Variants in IQCJ observed in about 807,000 individuals in gnomAD.
The protein encoded by IQCJ is IQ domain-containing protein J.
IQCJ carries 9 observed loss-of-function variants against 11.0 expected under a neutral mutation model. That is an observed-to-expected ratio of 0.82 (90% CI 0.49 to 1.43). The LOEUF (loss-of-function observed/expected upper bound fraction) is 1.43, where lower values mean the gene tolerates loss of function less well. Ranked by LOEUF, IQCJ falls within the 40% of genes most tolerant of loss-of-function variation. IQCJ has a pLI of 0.00. For missense variants in IQCJ, 146 were observed against 133.2 expected, an observed-to-expected ratio of 1.10 and a Z score of -0.47; for synonymous variants, 55 against 51.3, an observed-to-expected ratio of 1.07 and a Z score of -0.31.
chr3:159,246,226 A>G (rs999639414), intron 2 of IQCJ, among the ~76,000 whole-genome samples: 7 of 152,204 alleles, frequency 4.6e-5, no homozygotes, highest in African/African-American at 1.7e-4. Flanking sequence ...CAGGCATAAA[A>G]TTTGTAAAAA....
intron 1 of IQCJ, among the ~76,000 whole-genome samples, chr3:159,125,903 G>A (rs934362265): frequency 6.6e-6 from 1 of 152,148 alleles, no homozygotes; most frequent in Non-Finnish European, 1.5e-5. Context: ...CAACCAGGTT[G>A]GAGAAGGTTG....
At chr3:159,171,084 A>C (rs73029418) in intron 1 of IQCJ, among the ~76,000 whole-genome samples, 1 of 152,062 alleles carries the variant, frequency 6.6e-6, no homozygotes, top group Non-Finnish European at 1.5e-5. Flanking sequence ...CCCATCTTTA[A>C]AGTTATTCTC....
At chr3:159,163,547 T>C (rs1339069468) in intron 1 of IQCJ, among the ~76,000 whole-genome samples, 1 of 152,152 alleles carries the variant, frequency 6.6e-6, no homozygotes, top group African/African-American at 2.4e-5. Flanking sequence ...GTATTTTTAG[T>C]AGAGATGGGG....
chr3:159,150,221 T>C (rs1721131988), intron 1 of IQCJ, among the ~76,000 whole-genome samples: 1 of 151,842 alleles, frequency 6.6e-6, no homozygotes, highest in Non-Finnish European at 1.5e-5. Flanking sequence ...GGGTAGTGGG[T>C]AAGTGAGAGA....
intron 1 of IQCJ, among the ~76,000 whole-genome samples, chr3:159,206,343 G>A (rs1724655519): frequency 6.6e-6 from 1 of 152,154 alleles, no homozygotes; most frequent in Admixed American, 6.5e-5. Flanking sequence ...GTGCTGAATA[G>A]TTTACCAAAC....
chr3:159,077,620 G>A (rs1243214372), intron 1 of IQCJ, among the ~76,000 whole-genome samples: 2 of 152,078 alleles, frequency 1.3e-5, no homozygotes, highest in Non-Finnish European at 2.9e-5. Context: ...GAATGATACT[G>A]TGTTAAAAAT....
At chr3:159,132,541 G>T (rs1406231865) in intron 1 of IQCJ, among the ~76,000 whole-genome samples, 4 of 152,116 alleles carry the variant, frequency 2.6e-5, no homozygotes, top group Non-Finnish European at 2.9e-5. Context: ...AAATAATGTG[G>T]TTGCCAATAT....
rs1725235947 is a variant in IQCJ, at chr3:159,216,384, C to A, written c.10-29459C>A. 3.3e-5 allele frequency among the ~76,000 whole-genome samples: 5 copies of A among 152,274 alleles called. No homozygotes were observed. The South Asian group carries it at 1.0e-3, about 32-fold the overall frequency. On this transcript the variant is annotated intron_variant, in intron 1 of 3. Coordinates refer to ENST00000397832, the MANE Select transcript of IQCJ (RefSeq NM_001042706.3). ...CATAAAGAAAATTCATAATTACTTT[C>A]TTTTCAGATGCTTCTGCATGTAAAT...
intron 1 of IQCJ, among the ~76,000 whole-genome samples, chr3:159,142,260 A>T (rs944586378): frequency 6.6e-6 from 1 of 152,158 alleles, no homozygotes; most frequent in African/African-American, 2.4e-5. Flanking sequence ...GAGCATTCCC[A>T]AGGATTGTTC....
At chr3:159,168,415 G>T (rs559581096) in intron 1 of IQCJ, among the ~76,000 whole-genome samples, 1 of 152,260 alleles carries the variant, frequency 6.6e-6, no homozygotes, top group South Asian at 2.1e-4. Flanking sequence ...GGTTTTAAAA[G>T]ATTTTGTCAG....
chr3:159,158,406 G>A (rs1024306362), intron 1 of IQCJ, among the ~76,000 whole-genome samples: 2 of 152,204 alleles, frequency 1.3e-5, no homozygotes, highest in Admixed American at 1.3e-4. Context: ...GTGAGTTCAG[G>A]TGGTGAAGCT....
At chr3:159,151,289 C>T (rs564533508) in intron 1 of IQCJ, among the ~76,000 whole-genome samples, 4 of 152,354 alleles carry the variant, frequency 2.6e-5, no homozygotes, top group Admixed American at 6.5e-5. Context: ...TGTGTTCCCT[C>T]CCTGAATGCC....
At chr3:159,088,437 A>G (rs1341998929) in intron 1 of IQCJ, among the ~76,000 whole-genome samples, 105 of 152,202 alleles carry the variant, frequency 6.9e-4, no homozygotes, top group African/African-American at 1.3e-3. Context: ...TATTAGGTCC[A>G]CTTGGTGCAG....
intron 1 of IQCJ, among the ~76,000 whole-genome samples, chr3:159,126,034 T>G (rs1719662035): frequency 6.6e-6 from 1 of 152,258 alleles, no homozygotes; most frequent in Non-Finnish European, 1.5e-5. Flanking sequence ...GGCACATTGC[T>G]GGCATCTGGA....
chr3:159,104,039 G>A (rs1718092927), intron 1 of IQCJ, among the ~76,000 whole-genome samples: 1 of 152,218 alleles, frequency 6.6e-6, no homozygotes, highest in South Asian at 2.1e-4. Context: ...CCTCAGCAGG[G>A]CTGGTTGATG....
intron 1 of IQCJ, among the ~76,000 whole-genome samples, chr3:159,205,236 G>A (rs1724584906): frequency 1.3e-5 from 2 of 152,140 alleles, no homozygotes; most frequent in Non-Finnish European, 2.9e-5. Context: ...TCATGATTAT[G>A]GTGTATTACA....
chr3:159,086,227 A>T (rs1426252447), intron 1 of IQCJ, among the ~76,000 whole-genome samples: 1 of 152,126 alleles, frequency 6.6e-6, no homozygotes. Flanking sequence ...AGATAGTTGT[A>T]GATATGTGTC....
chr3:159,162,672 C>G (rs1356384508), intron 1 of IQCJ, among the ~76,000 whole-genome samples: 1 of 152,054 alleles, frequency 6.6e-6, no homozygotes, highest in Non-Finnish European at 1.5e-5. Flanking sequence ...TGATAGACCA[C>G]TAGCAAGACT....
chr3:159,252,771 C>T lies in IQCJ; in HGVS notation c.119C>T (p.Pro40Leu). ...MDAENNIEKY[P>L]LNLQPLESKV... ...GCAGAGAATAATATTGAAAAGTATC[C>T]CCTCAATCTACAGCCCTTGGAATCA... Residue 40 changes from proline (P) to leucine (L), a missense_variant, in exon 3 of 4, where the codon CCC becomes CTC. Coordinates refer to ENST00000397832, the MANE Select transcript of IQCJ (RefSeq NM_001042706.3). 2 of 1,611,796 alleles carry T rather than the reference C, an allele frequency of 1.2e-6. No individual in the cohort carries two copies. Among genetic ancestry groups the T allele is most frequent in the Non-Finnish European group, 1.7e-6 (2 of 1,178,838 alleles).
Sources: gnomAD v4.1 joint callset for allele counts (sites outside exome capture counted in the v4.1 genomes callset) on GRCh38, gnomAD v4.1.1 for gene constraint, MANE v1.5 for transcripts, NCBI Gene and HGNC (gene_info 2026-07-23, HGNC 2026-07-21) for gene names.